Variants in MRPS28 observed in about 807,000 individuals in gnomAD.
The protein encoded by MRPS28 is mitochondrial ribosomal protein S28.
In MRPS28, 7 loss-of-function variants were observed where a neutral mutation model predicts 10.8. The ratio of observed to expected loss-of-function variants is 0.65; its 90% confidence interval spans 0.37 to 1.22. The LOEUF is 1.22. Ranked by LOEUF, MRPS28 falls within the 50% of genes most tolerant of loss-of-function variation. The pLI is 0.02. For synonymous variants in MRPS28, 121 were observed against 93.3 expected, an observed-to-expected ratio of 1.30 and a Z score of -1.71; for missense variants, 265 against 232.9, an observed-to-expected ratio of 1.14 and a Z score of -0.90.
At chr8:79,940,142 A>G (rs1806729237) in intron 2 of MRPS28, among the ~76,000 whole-genome samples, 1 of 152,144 alleles carries the variant, frequency 6.6e-6, no homozygotes, top group African/African-American at 2.4e-5. Flanking sequence ...TATTAGGGGT[A>G]AGATTAATGA....
chr8:80,024,074 A>C (rs1419611601), intron 1 of MRPS28, among the ~76,000 whole-genome samples: 6 of 152,114 alleles, frequency 3.9e-5, no homozygotes, highest in African/African-American at 1.4e-4. Flanking sequence ...ACAAAAAAAT[A>C]CAAAAATCAG....
intron 2 of MRPS28, among the ~76,000 whole-genome samples, chr8:79,932,113 C>G (rs547642751): frequency 7.2e-5 from 11 of 152,224 alleles, no homozygotes; most frequent in African/African-American, 2.4e-4. Context: ...TTTTTAGAGG[C>G]CCATCTGTGG....
chr8:79,974,760 T>G (rs1416716544), intron 2 of MRPS28, among the ~76,000 whole-genome samples: 1 of 151,986 alleles, frequency 6.6e-6, no homozygotes, highest in East Asian at 1.9e-4. Flanking sequence ...ATGACTAACT[T>G]CAGATACGGG....
intron 2 of MRPS28, among the ~76,000 whole-genome samples, chr8:79,982,827 C>G (rs189694321): frequency 6.6e-6 from 1 of 152,196 alleles, no homozygotes; most frequent in Non-Finnish European, 1.5e-5. Context: ...GGCTCCACCT[C>G]TGGGGGCAGG....
At chr8:80,011,776 AAAAAC>A (rs1335480333) in intron 1 of MRPS28, among the ~76,000 whole-genome samples, 2 of 152,094 alleles carry the variant, frequency 1.3e-5, no homozygotes, top group Non-Finnish European at 2.9e-5. Context: ...AACAAAAACA[AAAAAC>A]AAAACAAAAC....
At chr8:79,925,241 G>GAA (rs149399567) in intron 2 of MRPS28, among the ~76,000 whole-genome samples, 2 of 135,268 alleles carry the variant, frequency 1.5e-5, no homozygotes, top group African/African-American at 2.6e-5. Context: ...AAAGTCCTTT[G>GAA]AAAAAAAAAA....
chr8:79,926,839 T>C (rs944013348), intron 2 of MRPS28, among the ~76,000 whole-genome samples: 7 of 152,234 alleles, frequency 4.6e-5, no homozygotes, highest in Admixed American at 3.9e-4. Context: ...AAGAAAATAC[T>C]GATGGCCTGG....
At chr8:79,923,855 G>C (rs1297588987) in intron 2 of MRPS28, among the ~76,000 whole-genome samples, 1 of 152,164 alleles carries the variant, frequency 6.6e-6, no homozygotes, top group East Asian at 1.9e-4. Context: ...GAGCTGTATA[G>C]GAAAAGGGCA....
At chr8:79,933,865 G>T (rs1156471621) in intron 2 of MRPS28, among the ~76,000 whole-genome samples, 1 of 152,170 alleles carries the variant, frequency 6.6e-6, no homozygotes, top group Non-Finnish European at 1.5e-5. Context: ...ATCTTAGCCT[G>T]AAGATATTTA....
chr8:79,932,517 G>A (rs1806489132), intron 2 of MRPS28, among the ~76,000 whole-genome samples: 1 of 152,220 alleles, frequency 6.6e-6, no homozygotes, highest in Non-Finnish European at 1.5e-5. Flanking sequence ...GGTCAGACAG[G>A]AAGGCAGGAG....
intron 2 of MRPS28, among the ~76,000 whole-genome samples, chr8:79,931,530 T>G (rs1009463064): frequency 6.6e-6 from 1 of 152,184 alleles, no homozygotes; most frequent in Non-Finnish European, 1.5e-5. Flanking sequence ...TATGTAACCC[T>G]AGGCAAGGTA....
At chr8:79,936,115 G>C (rs1014102088) in intron 2 of MRPS28, among the ~76,000 whole-genome samples, 3 of 151,928 alleles carry the variant, frequency 2.0e-5, no homozygotes, top group Non-Finnish European at 4.4e-5. Flanking sequence ...AGGAGGTCAA[G>C]GTGGGAGGAT....
chr8:80,002,930 C>T, intron 2 of MRPS28, 69 bp downstream of exon 2: 1 of 1,266,740 alleles, frequency 7.9e-7, no homozygotes, highest in Non-Finnish European at 1.1e-6. Flanking sequence ...ACCTTTCATT[C>T]AACAATACTT....
chr8:79,930,457 T>C (rs942589193), intron 2 of MRPS28, among the ~76,000 whole-genome samples: 1 of 152,228 alleles, frequency 6.6e-6, no homozygotes, highest in Non-Finnish European at 1.5e-5. Flanking sequence ...TTAGTAAATA[T>C]GTACTTTCAA....
chr8:80,028,328 T>G (rs1809542423), intron 1 of MRPS28, among the ~76,000 whole-genome samples: 1 of 152,066 alleles, frequency 6.6e-6, no homozygotes, highest in Admixed American at 6.5e-5. Flanking sequence ...CTGAACTCTA[T>G]GTTTCCAACC....
In MRPS28 at chr8:79,918,916, C is replaced by T; in HGVS notation, c.*64G>A. The T allele has an allele frequency of 8.2e-7, 1 of 1,215,164 alleles. No homozygotes were observed. Among genetic ancestry groups the T allele is most frequent in the South Asian group, 2.4e-5 (1 of 41,688 alleles). The allele number at this position is 1,215,164 out of a possible 1,614,324, so 75.3% of individuals were successfully genotyped here. ...ATTCAATCATTTATTCACAATTAGT[C>T]TAATTGCATTCTTGATGAATAACTG... On this transcript the variant is annotated 3_prime_UTR_variant, in exon 3 of 3. Coordinates refer to ENST00000276585, the MANE Select transcript of MRPS28 (RefSeq NM_014018.3).
intron 2 of MRPS28, among the ~76,000 whole-genome samples, chr8:79,921,226 T>A (rs937350713): frequency 5.3e-5 from 8 of 152,170 alleles, no homozygotes; most frequent in Admixed American, 5.2e-4. Flanking sequence ...GGTAGTGTGA[T>A]GCCTCCAGCT....
At chr8:80,006,931 A>G (rs902489437) in intron 1 of MRPS28, among the ~76,000 whole-genome samples, 8 of 152,240 alleles carry the variant, frequency 5.3e-5, no homozygotes, top group African/African-American at 1.9e-4. Flanking sequence ...TGAGGCCAGT[A>G]TCATCCTGAT....
chr8:79,919,499 G>A (rs1381046571), intron 2 of MRPS28, among the ~76,000 whole-genome samples: 5 of 152,068 alleles, frequency 3.3e-5, no homozygotes, highest in Non-Finnish European at 5.9e-5. Flanking sequence ...TACCACCACG[G>A]CCAGCTAATT....
Sources: gnomAD v4.1 joint callset for allele counts (sites outside exome capture counted in the v4.1 genomes callset) on GRCh38, gnomAD v4.1.1 for gene constraint, MANE v1.5 for transcripts, NCBI Gene and HGNC (gene_info 2026-07-23, HGNC 2026-07-21) for gene names.